HS6ST2: variants seen among roughly 807,000 people sequenced by gnomAD.
The protein encoded by HS6ST2 is heparan-sulfate 6-O-sulfotransferase 2.
Under a neutral mutation model 33.0 loss-of-function variants are expected in HS6ST2, and 17 were observed. The observed-to-expected ratio is 0.52, with a 90% confidence interval of 0.35 to 0.77. HS6ST2 has a LOEUF of 0.77. HS6ST2 is among the 30% of genes least tolerant of loss of function. HS6ST2 has a pLI of 0.01. For missense variants in HS6ST2, 519 were observed against 551.7 expected (o/e 0.94, Z 0.59); for synonymous variants, 248 against 237.1 (o/e 1.05, Z -0.42).
intron 3 of HS6ST2, among the ~76,000 whole-genome samples, chrX:132,695,027 C>T (rs1405234656): frequency 9.0e-6 from 1 of 110,710 alleles, no homozygotes; most frequent in Non-Finnish European, 1.9e-5. Flanking sequence ...GTGAGAGTTG[C>T]AGGAGTCTGG....
intron 4 of HS6ST2, among the ~76,000 whole-genome samples, chrX:132,649,466 C>T (rs955938684): frequency 1.8e-5 from 2 of 112,151 alleles, no homozygotes; most frequent in Non-Finnish European, 3.8e-5. Context: ...TGCACCTTTC[C>T]TTAAGGGAAA....
At chrX:132,731,346 G>A (rs1240096144) in intron 2 of HS6ST2, among the ~76,000 whole-genome samples, 3 of 111,575 alleles carry the variant, frequency 2.7e-5, no homozygotes, top group Non-Finnish European at 3.8e-5. Context: ...CTGGGTCCAA[G>A]CCTCATAGTT....
At chrX:132,685,120 A>C (rs1457719216) in intron 3 of HS6ST2, among the ~76,000 whole-genome samples, 1 of 111,937 alleles carries the variant, frequency 8.9e-6, no homozygotes, top group African/African-American at 3.2e-5. Flanking sequence ...AAAAGGTACC[A>C]GAGCAAACAG....
chrX:132,913,253 G>A (rs971650558), intron 2 of HS6ST2, among the ~76,000 whole-genome samples: 22 of 111,893 alleles, frequency 2.0e-4, no homozygotes, highest in Admixed American at 6.6e-4. Flanking sequence ...TCTGCCCTCC[G>A]CCAGTGCCAG....
At chrX:132,807,302 G>T (rs2065293260) in intron 2 of HS6ST2, among the ~76,000 whole-genome samples, 1 of 110,711 alleles carries the variant, frequency 9.0e-6, no homozygotes, top group East Asian at 2.8e-4. Flanking sequence ...ACATGAACTA[G>T]TGGGCCTGAG....
chrX:132,956,508 T>C (rs1256742686), intron 2 of HS6ST2, among the ~76,000 whole-genome samples: 1 of 111,982 alleles, frequency 8.9e-6, no homozygotes, highest in Admixed American at 9.3e-5. Context: ...CTGAGTACGA[T>C]GCCCCGTCCC....
At chrX:132,739,777 G>T (rs758383824) in intron 2 of HS6ST2, among the ~76,000 whole-genome samples, 3 of 109,822 alleles carry the variant, frequency 2.7e-5, no homozygotes, top group Admixed American at 9.7e-5. Context: ...TACCCTGAGA[G>T]AATTTTTTAA....
intron 2 of HS6ST2, among the ~76,000 whole-genome samples, chrX:132,902,784 A>T (rs1856928459): frequency 8.9e-6 from 1 of 112,089 alleles, no homozygotes; most frequent in African/African-American, 3.2e-5. Context: ...GCTTAAAGAA[A>T]AAAGGAGAAT....
Position 132,694,462 on chromosome X carries a change from A to G in HS6ST2, c.980+14000T>C, listed in dbSNP as rs141297667. ...ATATTTAAGGTAAAGCAAGGAGACC[A>G]GTGTGATTAGAGAAAAATGGGCCTG... On this transcript the variant is annotated intron_variant, in intron 3 of 4. Coordinates refer to ENST00000370833, the MANE Select transcript of HS6ST2 (RefSeq NM_001394073.1). Among the ~76,000 whole-genome samples the G allele has an allele frequency of 8.6e-3, 962 of 111,708 alleles. 6 individuals are homozygous for G. Among genetic ancestry groups the G allele is most frequent in the Non-Finnish European group, 0.014 (759 of 53,111 alleles).
At chrX:132,793,622 TTA>T (rs2065142018) in intron 2 of HS6ST2, among the ~76,000 whole-genome samples, 1 of 112,102 alleles carries the variant, frequency 8.9e-6, no homozygotes, top group South Asian at 3.7e-4. Flanking sequence ...ATGCCTGGAC[TTA>T]TTACATTTAA....
At chrX:132,664,563 T>A (rs2063796776) in intron 4 of HS6ST2, among the ~76,000 whole-genome samples, 1 of 111,749 alleles carries the variant, frequency 8.9e-6, no homozygotes, top group Non-Finnish European at 1.9e-5. Flanking sequence ...CATATTCCCC[T>A]TCTGTACACC....
rs149256047 is a variant in HS6ST2 at position 132,798,837 on chromosome X, T to C, written c.948-90343A>G. Reference sequence around the variant, plus strand: ...AAAGCACCCAGGGGACAGAGTTACATACCTTCACAGTAGCACTTATCTCAG... The same window carrying C: ...AAAGCACCCAGGGGACAGAGTTACACACCTTCACAGTAGCACTTATCTCAG... On this transcript the variant is annotated intron_variant, in intron 2 of 4. Coordinates refer to ENST00000370833, the MANE Select transcript of HS6ST2 (RefSeq NM_001394073.1). Among the ~76,000 whole-genome samples, 235 of 111,610 alleles carry C rather than the reference T, an allele frequency of 2.1e-3. 9 individuals are homozygous for C. In the East Asian group the frequency reaches 0.051, roughly 24 times the overall value.
At chrX:132,856,688 C>CG (rs1215799862) in intron 2 of HS6ST2, among the ~76,000 whole-genome samples, 4 of 109,629 alleles carry the variant, frequency 3.6e-5, no homozygotes, top group Non-Finnish European at 5.7e-5. Context: ...TCTGATAGCC[C>CG]GGGGAAAAAA....
chrX:132,725,441 GA>G (rs1424919951), intron 2 of HS6ST2, among the ~76,000 whole-genome samples: 1 of 111,537 alleles, frequency 9.0e-6, no homozygotes, highest in Non-Finnish European at 1.9e-5. Context: ...GATTATCAGA[GA>G]AATAAAAACT....
At chrX:132,891,216 C>T (rs886890555) in intron 2 of HS6ST2, among the ~76,000 whole-genome samples, 1 of 108,725 alleles carries the variant, frequency 9.2e-6, no homozygotes, top group African/African-American at 3.4e-5. Context: ...TTCAAAGACC[C>T]CTGCTTAGAG....
Position 132,957,016 on chromosome X carries a change from C to T in HS6ST2, c.739G>A (p.Val247Met). 1 of 1,211,910 alleles carries T rather than the reference C, an allele frequency of 8.3e-7. No homozygotes were observed. Among genetic ancestry groups the T allele is most frequent in the Non-Finnish European group, 1.1e-6 (1 of 895,417 alleles). ...GGCTGCTCCAGCTGGATGTTACGCA[C>T]CAAGTGGCGGCCGAAAGTGGTGCCC... is the stretch of plus-strand genomic sequence containing the variant. ...TGGTTFGRHLVRNIQLEQPCE... is the reference protein window; with the variant it reads ...TGGTTFGRHLMRNIQLEQPCE... Residue 247 changes from valine to methionine, a missense_variant, in exon 2 of 5, where the codon GTG (valine) becomes ATG (methionine). Physicochemically the swap from Val to Met is conservative, Grantham distance 21. Coordinates refer to ENST00000370833, the MANE Select transcript of HS6ST2 (RefSeq NM_001394073.1).
At chrX:132,784,643 G>T (rs2065045246) in intron 2 of HS6ST2, among the ~76,000 whole-genome samples, 1 of 111,580 alleles carries the variant, frequency 9.0e-6, no homozygotes, top group African/African-American at 3.3e-5. Flanking sequence ...CGCAGCCAGG[G>T]TTGAGAATAC....
chrX:132,857,646 C>G (rs909622616), intron 2 of HS6ST2, among the ~76,000 whole-genome samples: 1 of 111,629 alleles, frequency 9.0e-6, no homozygotes, highest in African/African-American at 3.3e-5. Flanking sequence ...ATCTGTGAAA[C>G]CTTCAGTGTA....
At chrX:132,873,791 T>C (rs2066085744) in intron 2 of HS6ST2, among the ~76,000 whole-genome samples, 1 of 111,272 alleles carries the variant, frequency 9.0e-6, no homozygotes, top group African/African-American at 3.3e-5. Context: ...GAAGTATCCA[T>C]ATACTGAATG....
Sources: gnomAD v4.1 joint callset for allele counts (sites outside exome capture counted in the v4.1 genomes callset) on GRCh38, gnomAD v4.1.1 for gene constraint, MANE v1.5 for transcripts, NCBI Gene and HGNC (gene_info 2026-07-23, HGNC 2026-07-21) for gene names.